Variants in PKD1L3 observed in about 807,000 individuals in gnomAD.
PKD1L3 encodes polycystin-1-like protein 3.
A neutral mutation model predicts 184.1 loss-of-function variants in PKD1L3; 239 were observed. That is an observed-to-expected ratio of 1.30 (90% CI 1.17 to 1.45). The LOEUF (loss-of-function observed/expected upper bound fraction) is 1.45. PKD1L3 is among the 40% of genes most tolerant of loss of function. The probability of loss-of-function intolerance (pLI) is 0.00; values close to 1 mark genes in which losing one functional copy is unlikely to be tolerated. For synonymous variants in PKD1L3, 996 were observed against 778.8 expected (o/e 1.28, Z -4.64); for missense variants, 2,660 against 2,067.2 (o/e 1.29, Z -5.56).
In PKD1L3 at chr16:71,937,450, G is replaced by A. The variant is rs1201996138; in HGVS notation, c.4325-31C>T. ...AATAACAAAGAACACCTGGAGTCAAGAGTCTAAAACTTTTGCCCTCTTCTT... is the reference window on the plus strand; with the variant it reads ...AATAACAAAGAACACCTGGAGTCAAAAGTCTAAAACTTTTGCCCTCTTCTT... On this transcript the variant is annotated intron_variant, in intron 24 of 29. Coordinates refer to ENST00000620267, the MANE Select transcript of PKD1L3 (RefSeq NM_181536.2). 5.2e-6 allele frequency: 8 copies of A among 1,544,856 alleles called. No homozygotes were observed. In the African/African-American group the frequency reaches 1.1e-4, roughly 21 times the overall value.
intron 24 of PKD1L3, 30 bp from the exon 25 acceptor site, chr16:71,937,449 A>G: frequency 6.5e-7 from 1 of 1,545,270 alleles, no homozygotes; most frequent in Non-Finnish European, 8.7e-7. Context: ...CCTGGAGTCA[A>G]GAGTCTAAAA....
intron 4 of PKD1L3, among the ~76,000 whole-genome samples, chr16:71,986,955 C>T (rs1223770842): frequency 2.7e-5 from 3 of 112,242 alleles, no homozygotes; most frequent in African/African-American, 1.1e-4. Context: ...GACAGAGTCT[C>T]ACTCTGTCTC....
At chr16:71,964,966 C>T (rs902639067) in intron 15 of PKD1L3, among the ~76,000 whole-genome samples, 1 of 151,878 alleles carries the variant, frequency 6.6e-6, no homozygotes, top group Non-Finnish European at 1.5e-5. Flanking sequence ...CCCGCCTCAG[C>T]CCCCCAAGTA....
rs1020364147 is a variant in PKD1L3, at chr16:71,935,524, C to G, written c.4453-6G>C. 3 of 1,551,602 alleles carry G rather than the reference C, an allele frequency of 1.9e-6. No individual in the cohort carries two copies. The highest frequency in any genetic ancestry group is 2.6e-6 in the Non-Finnish European group (3 of 1,146,806). On this transcript the variant is annotated splice_polypyrimidine_tract_variant and splice_region_variant and intron_variant, in intron 25 of 29. Coordinates refer to ENST00000620267, the MANE Select transcript of PKD1L3 (RefSeq NM_181536.2). ...TGCTGTTTCAGCTGACAACCCTAAACATAGACAGCACAGTCACTGTTGCTT... is the reference window on the plus strand; with the variant it reads ...TGCTGTTTCAGCTGACAACCCTAAAGATAGACAGCACAGTCACTGTTGCTT...
At position 71,930,184 on chromosome 16, in the gene PKD1L3, C is replaced by T; in HGVS notation, c.4927-1G>A. ...CCAGGACTGGGTCTAAAGCGAAAAC[C>T]TGGGAAAACAATAAGAACACTTGCA... On this transcript the variant is annotated splice_acceptor_variant, in intron 28 of 29. Transcript: ENST00000620267. LOFTEE classifies it high-confidence loss of function. 1.3e-6 allele frequency: 2 copies of T among 1,539,586 alleles called. No individual in the cohort carries two copies. The highest frequency in any genetic ancestry group is 1.8e-6 in the Non-Finnish European group (2 of 1,142,486).
At chr16:71,936,436 C>G (rs2038178948) in intron 25 of PKD1L3, among the ~76,000 whole-genome samples, 1 of 151,232 alleles carries the variant, frequency 6.6e-6, no homozygotes, top group East Asian at 1.9e-4. Flanking sequence ...CTCCTGACCT[C>G]AGGTGATCAA....
At chr16:71,932,483 CT>C (rs35193011) in intron 28 of PKD1L3, among the ~76,000 whole-genome samples, 2 of 150,292 alleles carry the variant, frequency 1.3e-5, no homozygotes, top group Non-Finnish European at 1.5e-5. Context: ...CATTATGTCA[CT>C]TTTTTTTTTG....
At chr16:71,975,811 A>C (rs569535317) in intron 11 of PKD1L3, among the ~76,000 whole-genome samples, 1 of 152,356 alleles carries the variant, frequency 6.6e-6, no homozygotes, top group East Asian at 1.9e-4. Context: ...ATACACACAC[A>C]TACAGAAATG....
intron 12 of PKD1L3, among the ~76,000 whole-genome samples, chr16:71,972,561 G>A (rs2039756654): frequency 2.0e-5 from 3 of 151,742 alleles, no homozygotes; most frequent in African/African-American, 4.8e-5. Context: ...GCACATGCCT[G>A]TGGTCCTCAT....
In PKD1L3 at chr16:71,967,167, C is replaced by A; in HGVS notation, c.2435G>T (p.Trp812Leu). 6.4e-7 allele frequency: 1 copy of A among 1,551,676 alleles called. No individual in the cohort carries two copies. The highest frequency in any genetic ancestry group is 8.7e-7 in the Non-Finnish European group (1 of 1,146,956). The change falls in exon 15 of 30, where the codon TGG becomes TTG. Residue 812 changes from tryptophan (W) to leucine (L), a missense_variant. Physicochemically the swap from Trp to Leu is moderately conservative, Grantham distance 61. Coordinates refer to ENST00000620267, the MANE Select transcript of PKD1L3 (RefSeq NM_181536.2). ...GGGACTGACGCCAGAATTGTCATGCCAGAGCCGAAGGCTGTGCAGGTTCCC... is the reference window on the plus strand; with the variant it reads ...GGGACTGACGCCAGAATTGTCATGCAAGAGCCGAAGGCTGTGCAGGTTCCC... Reference protein sequence around the residue: ...SLGNLHSLRLWHDNSGVSPSW... With the variant: ...SLGNLHSLRLLHDNSGVSPSW...
intron 11 of PKD1L3, among the ~76,000 whole-genome samples, chr16:71,973,785 T>C (rs2039812065): frequency 1.3e-5 from 2 of 152,148 alleles, no homozygotes; most frequent in East Asian, 1.9e-4. Flanking sequence ...GCGGATCACT[T>C]GAGGTCAGGA....
rs1203683442 is a variant in PKD1L3 at position 71,949,875 on chromosome 16, T to C, written c.3526A>G (p.Ser1176Gly). ...GCTTGGTCTTTGCTCAATTCCAAGCTATAAAGTGCTGTAAAAAAGGCTGAA... is the reference window on the plus strand; with the variant it reads ...GCTTGGTCTTTGCTCAATTCCAAGCCATAAAGTGCTGTAAAAAAGGCTGAA... ...LASAFFTALY[S>G]LELSKDQATS... Residue 1176 changes from serine (S) to glycine (G), a missense_variant, in exon 21 of 30, where the codon AGC (serine) becomes GGC (glycine). Physicochemically the swap from Ser to Gly is moderately conservative, Grantham distance 56 (BLOSUM62 0). Transcript: ENST00000620267. The C allele has an allele frequency of 3.2e-6, 5 of 1,551,616 alleles. No individual in the cohort carries two copies. Among genetic ancestry groups the C allele is most frequent in the Non-Finnish European group, 4.4e-6 (5 of 1,146,976 alleles).
chr16:71,937,499 C>T, intron 24 of PKD1L3, 80 bp from the exon 25 acceptor site: 1 of 1,431,374 alleles, frequency 7.0e-7, no homozygotes, highest in Non-Finnish European at 9.4e-7. Context: ...TTTGAATAAC[C>T]CCAACTCTTC....
At chr16:71,992,498 A>G (rs1325671822) in intron 3 of PKD1L3, among the ~76,000 whole-genome samples, 2 of 152,132 alleles carry the variant, frequency 1.3e-5, no homozygotes, top group Non-Finnish European at 1.5e-5. Context: ...TGCATTAATT[A>G]TCATCAGAAC....
intron 10 of PKD1L3, among the ~76,000 whole-genome samples, chr16:71,977,922 C>G (rs1219547338): frequency 6.6e-6 from 1 of 151,964 alleles, no homozygotes; most frequent in East Asian, 1.9e-4. Context: ...TAACAGCCAC[C>G]CACTGCCATG....
intron 25 of PKD1L3, among the ~76,000 whole-genome samples, chr16:71,937,027 C>A (rs2038203477): frequency 6.6e-6 from 1 of 152,064 alleles, no homozygotes; most frequent in Admixed American, 6.5e-5. Flanking sequence ...ATGTGGCAAC[C>A]TTTATTTCTC....
Position 71,980,268 on chromosome 16 carries a change from CT to C in PKD1L3, c.1144-135del, listed in dbSNP as rs879631233. ...AAGGGTAGTATTCCTTAGAGAGGAC[CT>C]TGGAATCTCACAGAAAGTACTTGCA... On this transcript the variant is annotated intron_variant, in intron 7 of 29. Transcript: ENST00000620267. The C allele has an allele frequency of 9.4e-5, 114 of 1,209,940 alleles. No homozygotes were observed. In the Admixed American group the frequency reaches 3.1e-3, roughly 32 times the overall value. 75.0% of individuals were successfully genotyped at this position (1,209,940 alleles called of 1,614,324 possible). A position where few individuals can be genotyped will look rare whatever the true frequency, so the allele number is the denominator to read the frequency against.
intron 2 of PKD1L3, among the ~76,000 whole-genome samples, 173 bp from the exon 3 acceptor site, chr16:71,993,505 A>G (rs1479719081): frequency 2.0e-5 from 3 of 152,208 alleles, no homozygotes; most frequent in Non-Finnish European, 4.4e-5. Flanking sequence ...CTCTGCTCAC[A>G]TTATGGTGTC....
At chr16:71,956,000 T>C (rs1198865733) in intron 16 of PKD1L3, among the ~76,000 whole-genome samples, 3 of 151,922 alleles carry the variant, frequency 2.0e-5, no homozygotes, top group Non-Finnish European at 2.9e-5. Flanking sequence ...AGCATGAGAA[T>C]AGACTAAATA....
Sources: gnomAD v4.1 joint callset for allele counts (sites outside exome capture counted in the v4.1 genomes callset) on GRCh38, gnomAD v4.1.1 for gene constraint, MANE v1.5 for transcripts, NCBI Gene and HGNC (gene_info 2026-07-23, HGNC 2026-07-21) for gene names.